Variants in ENAH observed in about 807,000 individuals in gnomAD.
ENAH encodes the protein ENAH actin regulator.
ENAH carries 23 observed loss-of-function variants against 78.7 expected under a neutral mutation model. The observed-to-expected ratio is 0.29, with a 90% CI of 0.21 to 0.41. The LOEUF (loss-of-function observed/expected upper bound fraction) is 0.41. Among genes scored for constraint, ENAH ranks in the 10% least tolerant of loss-of-function variants. The pLI, the probability that ENAH is intolerant of heterozygous loss-of-function variation, is 1.00. For synonymous variants in ENAH, 226 were observed against 241.0 expected (o/e 0.94, Z 0.58); for missense variants, 544 against 691.0 (o/e 0.79, Z 2.39).
At chr1:225,552,068 C>T (rs2096643174) in intron 3 of ENAH, among the ~76,000 whole-genome samples, 1 of 150,550 alleles carries the variant, frequency 6.6e-6, no homozygotes, top group African/African-American at 2.4e-5. Context: ...GGGTAGGGTA[C>T]ATACCTTTTC....
intron 1 of ENAH, among the ~76,000 whole-genome samples, chr1:225,622,477 T>C (rs1482063391): frequency 2.0e-5 from 3 of 152,352 alleles, no homozygotes; most frequent in East Asian, 3.9e-4. Flanking sequence ...TGATAAGCTA[T>C]GTGTCTTAGT....
chr1:225,635,881 A>G (rs1240113002), intron 1 of ENAH, among the ~76,000 whole-genome samples: 1 of 152,248 alleles, frequency 6.6e-6, no homozygotes, highest in African/African-American at 2.4e-5. Flanking sequence ...CCCAAGCCAG[A>G]GAAAGCAATT....
At chr1:225,568,278 C>A (rs2096744314) in intron 1 of ENAH, among the ~76,000 whole-genome samples, 1 of 152,050 alleles carries the variant, frequency 6.6e-6, no homozygotes, top group East Asian at 1.9e-4. Flanking sequence ...TGCCTGTAAC[C>A]CCAGCACTTT....
intron 8 of ENAH, 28 bp from the exon 9 acceptor site, chr1:225,512,742 A>G: frequency 6.2e-7 from 1 of 1,612,458 alleles, no homozygotes; most frequent in East Asian, 2.2e-5. Context: ...CCGATTTTTA[A>G]AAATATTATC....
At chr1:225,513,882 C>A (rs1394799906) in intron 7 of ENAH, among the ~76,000 whole-genome samples, 1 of 151,990 alleles carries the variant, frequency 6.6e-6, no homozygotes, top group Non-Finnish European at 1.5e-5. Flanking sequence ...ATCCCAGCTA[C>A]TCAGGAGGCT....
chr1:225,510,925 G>A (rs549854323), intron 10 of ENAH, among the ~76,000 whole-genome samples: 145 of 152,110 alleles, frequency 9.5e-4, no homozygotes, highest in Admixed American at 3.3e-3. Context: ...GGGGGCTAAG[G>A]TGGGAGGATC....
At chr1:225,500,607 CAGA>C (rs1235912544) in intron 12 of ENAH, among the ~76,000 whole-genome samples, 5 of 152,106 alleles carry the variant, frequency 3.3e-5, no homozygotes, top group Non-Finnish European at 7.4e-5. Flanking sequence ...TTTTAGAAAG[CAGA>C]AGTATAGAAG....
At chr1:225,534,625 A>G (rs1015224971) in intron 3 of ENAH, among the ~76,000 whole-genome samples, 2 of 152,098 alleles carry the variant, frequency 1.3e-5, no homozygotes, top group Non-Finnish European at 2.9e-5. Flanking sequence ...TATATCATTT[A>G]ATAACTTTAT....
At chr1:225,508,442 C>T (rs1771318) in intron 10 of ENAH, 14,021 of 152,428 alleles carry the variant, frequency 0.092, 812 homozygotes, top group South Asian at 0.25. Flanking sequence ...GTAAGTATAA[C>T]TTATAATATG....
At chr1:225,644,872 G>T (rs2148476430) in intron 1 of ENAH, among the ~76,000 whole-genome samples, 1 of 152,216 alleles carries the variant, frequency 6.6e-6, no homozygotes, top group East Asian at 1.9e-4. Context: ...TGAGACTACT[G>T]TAAACAAACC....
intron 1 of ENAH, among the ~76,000 whole-genome samples, chr1:225,587,880 G>A (rs2096855177): frequency 6.6e-6 from 1 of 152,022 alleles, no homozygotes; most frequent in Non-Finnish European, 1.5e-5. Context: ...GACGTCAGTG[G>A]AGAAAAGATA....
intron 3 of ENAH, among the ~76,000 whole-genome samples, chr1:225,545,080 T>C (rs2096606959): frequency 6.6e-6 from 1 of 152,206 alleles, no homozygotes; most frequent in East Asian, 1.9e-4. Context: ...GTCCCACTTC[T>C]GGCCAGCCCT....
intron 1 of ENAH, among the ~76,000 whole-genome samples, chr1:225,577,877 A>G (rs2096795834): frequency 6.6e-6 from 1 of 152,242 alleles, no homozygotes; most frequent in East Asian, 1.9e-4. Flanking sequence ...TGTGCTTAGG[A>G]GTAATCTTTT....
intron 1 of ENAH, among the ~76,000 whole-genome samples, chr1:225,586,180 G>A (rs1317489271): frequency 3.5e-5 from 5 of 144,276 alleles, no homozygotes; most frequent in African/African-American, 5.2e-5. Flanking sequence ...TTTGAACCCG[G>A]AAGGCGGAGG....
At chr1:225,530,061 G>A (rs918942500) in intron 4 of ENAH, among the ~76,000 whole-genome samples, 4 of 152,188 alleles carry the variant, frequency 2.6e-5, no homozygotes, top group Admixed American at 6.5e-5. Flanking sequence ...TACGTACTCT[G>A]ACCACTTTCA....
chr1:225,523,570 G>C (rs1293607038), intron 4 of ENAH, among the ~76,000 whole-genome samples: 1 of 152,092 alleles, frequency 6.6e-6, no homozygotes, highest in Admixed American at 6.6e-5. Flanking sequence ...TGTTCTGAAG[G>C]TAAGAAAAGA....
chr1:225,513,072 TTAATA>T (rs2096389380), intron 7 of ENAH, 56 bp from the exon 8 acceptor site: 1 of 1,421,132 alleles, frequency 7.0e-7, no homozygotes. Context: ...CATATTTTTA[TTAATA>T]TATTACATCT....
chr1:225,577,125 T>G (rs554482036), intron 1 of ENAH, among the ~76,000 whole-genome samples: 1 of 152,100 alleles, frequency 6.6e-6, no homozygotes, highest in Non-Finnish European at 1.5e-5. Flanking sequence ...CTCAAAAAAC[T>G]TTTTAAAAAA....
At chr1:225,566,003 C>T (rs1191999156) in intron 2 of ENAH, among the ~76,000 whole-genome samples, 3 of 152,182 alleles carry the variant, frequency 2.0e-5, no homozygotes, top group Non-Finnish European at 4.4e-5. Context: ...TGACTCAGAG[C>T]TGTGAAAGTT....
Sources: allele counts gnomAD v4.1 joint callset (sites outside exome capture counted in the v4.1 genomes callset), GRCh38; gene constraint gnomAD v4.1.1; transcripts MANE v1.5; gene names NCBI Gene and HGNC (gene_info 2026-07-23, HGNC 2026-07-21).